Variants in ZNRF1 observed in about 807,000 individuals in gnomAD.
ZNRF1 encodes the protein zinc and ring finger 1, also known as E3 ubiquitin-protein ligase ZNRF1.
In ZNRF1, 3 loss-of-function variants were observed where a neutral mutation model predicts 18.4. The ratio of observed to expected loss-of-function variants is 0.16; its 90% CI spans 0.07 to 0.42. The LOEUF is 0.42. ZNRF1 is among the 10% of genes least tolerant of loss of function. The pLI, the probability that ZNRF1 is intolerant of heterozygous loss-of-function variation, is 0.99. For missense variants in ZNRF1, 310 were observed against 329.8 expected (o/e 0.94, Z 0.47); for synonymous variants, 157 against 144.2 (o/e 1.09, Z -0.64).
chr16:75,082,354 G>T (rs80213544), intron 1 of ZNRF1, among the ~76,000 whole-genome samples: 1 of 152,168 alleles, frequency 6.6e-6, no homozygotes, highest in Non-Finnish European at 1.5e-5. Flanking sequence ...TCCTGTTCCT[G>T]GTAGATGCTT....
At chr16:75,007,632 C>T (rs2034939284) in intron 1 of ZNRF1, among the ~76,000 whole-genome samples, 1 of 152,166 alleles carries the variant, frequency 6.6e-6, no homozygotes, top group South Asian at 2.1e-4. Context: ...TAAAGGTGCT[C>T]AGTATTCTCT....
At chr16:75,055,464 C>G (rs909947520) in intron 1 of ZNRF1, among the ~76,000 whole-genome samples, 1 of 152,196 alleles carries the variant, frequency 6.6e-6, no homozygotes, top group African/African-American at 2.4e-5. Context: ...GAACTTGGTT[C>G]CAGCACTTTC....
At chr16:75,000,130 G>T in intron 1 of ZNRF1, 35 bp downstream of exon 1, 1 of 1,573,668 alleles carries the variant, frequency 6.4e-7, no homozygotes, top group Non-Finnish European at 8.6e-7. Flanking sequence ...TCGGAGGGAG[G>T]GCGCGCCGGG....
intron 2 of ZNRF1, 81 bp downstream of exon 2, chr16:75,093,748 G>A: frequency 8.9e-7 from 1 of 1,129,456 alleles, no homozygotes; most frequent in Non-Finnish European, 1.3e-6. Context: ...CTCCAGTCGA[G>A]GGTGGTTCTG....
At chr16:75,104,623 G>A in intron 2 of ZNRF1, 161 bp from the exon 3 acceptor site, 1 of 574,320 alleles carries the variant, frequency 1.7e-6, no homozygotes, top group Non-Finnish European at 3.1e-6. Flanking sequence ...CACGGTGAAA[G>A]TCTTAAGGTC....
intron 2 of ZNRF1, among the ~76,000 whole-genome samples, chr16:75,100,069 T>A (rs142799492): frequency 6.6e-6 from 1 of 152,298 alleles, no homozygotes; most frequent in Non-Finnish European, 1.5e-5. Flanking sequence ...TTCCCCATGC[T>A]GTCTGAGTCA....
At chr16:75,016,663 G>A (rs981118983) in intron 1 of ZNRF1, among the ~76,000 whole-genome samples, 2 of 149,648 alleles carry the variant, frequency 1.3e-5, no homozygotes, top group Non-Finnish European at 3.0e-5. Flanking sequence ...AGCCTCCAGA[G>A]TAGCTGGGAC....
chr16:75,005,211 AAGCAGAATTTTT>A (rs2034902804), intron 1 of ZNRF1, among the ~76,000 whole-genome samples: 1 of 152,216 alleles, frequency 6.6e-6, no homozygotes, highest in Admixed American at 6.5e-5. Flanking sequence ...TTGTATTAAA[AAGCAGAATTTTT>A]AGCTCTTTAT....
intron 1 of ZNRF1, among the ~76,000 whole-genome samples, chr16:75,078,109 A>G (rs2035965013): frequency 6.6e-6 from 1 of 152,162 alleles, no homozygotes; most frequent in Non-Finnish European, 1.5e-5. Flanking sequence ...TAGGGTGGTA[A>G]CATGATTTCT....
intron 1 of ZNRF1, among the ~76,000 whole-genome samples, chr16:75,088,060 G>A (rs1417811026): frequency 2.6e-5 from 4 of 152,126 alleles, no homozygotes. Context: ...GCAGACCTTT[G>A]GTTTACTTTT....
intron 1 of ZNRF1, among the ~76,000 whole-genome samples, chr16:75,030,833 CTTTTTTTTTTTTT>C (rs59468839): frequency 0.01 from 954 of 91,504 alleles, 10 homozygotes; most frequent in Non-Finnish European, 0.015. Flanking sequence ...CACTTTATTC[CTTTTTTTTTTTTT>C]TTTTTTTTTG....
intron 3 of ZNRF1, chr16:75,105,695 G>A (rs2036307411): frequency 6.6e-6 from 1 of 152,400 alleles, no homozygotes; most frequent in East Asian, 1.9e-4. Flanking sequence ...TGTGTCCCAG[G>A]GCGGCACTAA....
chr16:75,098,175 G>A (rs2036220310), intron 2 of ZNRF1, among the ~76,000 whole-genome samples: 1 of 152,254 alleles, frequency 6.6e-6, no homozygotes, highest in Non-Finnish European at 1.5e-5. Context: ...GTGTCCAGCT[G>A]TTGCTGACCG....
At chr16:75,087,297 C>G (rs1275132288) in intron 1 of ZNRF1, among the ~76,000 whole-genome samples, 1 of 152,200 alleles carries the variant, frequency 6.6e-6, no homozygotes, top group Non-Finnish European at 1.5e-5. Context: ...TGGGCTTACC[C>G]TGATGTTGTG....
At chr16:75,042,376 A>G (rs2035459721) in intron 1 of ZNRF1, among the ~76,000 whole-genome samples, 1 of 151,520 alleles carries the variant, frequency 6.6e-6, no homozygotes, top group Non-Finnish European at 1.5e-5. Flanking sequence ...TAGCTCTTAC[A>G]TATGTCTGTG....
At chr16:75,004,747 G>T (rs1327187814) in intron 1 of ZNRF1, among the ~76,000 whole-genome samples, 2 of 152,040 alleles carry the variant, frequency 1.3e-5, no homozygotes, top group Non-Finnish European at 2.9e-5. Flanking sequence ...CAGAGTAGCT[G>T]GGACTCAGGT....
At chr16:75,053,461 C>T (rs953494854) in intron 1 of ZNRF1, among the ~76,000 whole-genome samples, 3 of 151,906 alleles carry the variant, frequency 2.0e-5, no homozygotes, top group African/African-American at 4.8e-5. Flanking sequence ...TGGTGGCACA[C>T]GCCTATAGTC....
chr16:75,015,984 G>T (rs530035071), intron 1 of ZNRF1, among the ~76,000 whole-genome samples: 21 of 147,062 alleles, frequency 1.4e-4, no homozygotes, highest in African/African-American at 5.3e-4. Context: ...GCAATGGCGC[G>T]ATCTCCTCTC....
At chr16:75,018,994 T>A (rs887556820) in intron 1 of ZNRF1, among the ~76,000 whole-genome samples, 1 of 152,096 alleles carries the variant, frequency 6.6e-6, no homozygotes, top group Non-Finnish European at 1.5e-5. Context: ...GATGAAACCC[T>A]GTCTCTACTG....
Sources: gnomAD v4.1 joint callset for allele counts (sites outside exome capture counted in the v4.1 genomes callset) on GRCh38, gnomAD v4.1.1 for gene constraint, MANE v1.5 for transcripts, NCBI Gene and HGNC (gene_info 2026-07-23, HGNC 2026-07-21) for gene names.